LRCH1: variants seen among roughly 807,000 people sequenced by gnomAD.
The protein encoded by LRCH1 is leucine rich repeats and calponin homology domain containing 1.
In LRCH1, 23 loss-of-function variants were observed where a neutral mutation model predicts 94.9. The observed-to-expected ratio is 0.24, with a 90% CI of 0.17 to 0.34. LRCH1 has a LOEUF of 0.34. Ranked by LOEUF, LRCH1 falls within the 10% of genes least tolerant of loss-of-function variation. The pLI, the probability that LRCH1 is intolerant of heterozygous loss-of-function variation, is 1.00. For synonymous variants in LRCH1, 364 were observed against 354.9 expected (o/e 1.03, Z -0.29); for missense variants, 790 against 945.9 (o/e 0.84, Z 2.16).
chr13:46,696,879 G>C (rs1871222670), intron 9 of LRCH1, among the ~76,000 whole-genome samples: 1 of 151,964 alleles, frequency 6.6e-6, no homozygotes. Context: ...GATCAGCCTG[G>C]GCAACATACT....
chr13:46,613,449 C>T, intron 1 of LRCH1, among the ~76,000 whole-genome samples: 1 of 152,104 alleles, frequency 6.6e-6, no homozygotes, highest in East Asian at 1.9e-4. Flanking sequence ...CCTTCCCCAT[C>T]AGCCATCAAC....
intron 2 of LRCH1, among the ~76,000 whole-genome samples, chr13:46,666,384 C>A (rs1475579404): frequency 1.3e-5 from 2 of 152,208 alleles, no homozygotes; most frequent in Non-Finnish European, 2.9e-5. Context: ...GCAGAACTTT[C>A]TTTGTGTTTC....
intron 10 of LRCH1, among the ~76,000 whole-genome samples, 164 bp downstream of exon 10, chr13:46,699,567 C>T (rs1054815607): frequency 9.9e-5 from 15 of 152,144 alleles, no homozygotes; most frequent in African/African-American, 3.6e-4. Context: ...CTGTCTGATG[C>T]TTTTTGTCGT....
rs200140032 is a variant in LRCH1 at position 46,689,220 on chromosome 13, T to C, written c.1014+24T>C. The C allele has an allele frequency of 5.2e-4, 825 of 1,596,088 alleles. 7 individuals are homozygous for C. In the African/African-American group the frequency reaches 0.01, roughly 20 times the overall value. ...AGGTAAAGTTAGTGATCAGATTCTT[T>C]TCCTTCTGTACTTCTAGACATATCT... On this transcript the variant is annotated intron_variant, in intron 7 of 19. Transcript: ENST00000389797.
At chr13:46,652,507 A>G (rs1293293010) in intron 2 of LRCH1, among the ~76,000 whole-genome samples, 2 of 151,632 alleles carry the variant, frequency 1.3e-5, no homozygotes, top group Admixed American at 6.6e-5. Flanking sequence ...AGGCTCATAT[A>G]TCTAATCTTC....
At chr13:46,623,851 TC>T in intron 1 of LRCH1, among the ~76,000 whole-genome samples, 1 of 108,968 alleles carries the variant, frequency 9.2e-6, no homozygotes, top group African/African-American at 3.5e-5. Context: ...CCTAATGCTA[TC>T]CCTCCCCCCT....
intron 2 of LRCH1, among the ~76,000 whole-genome samples, chr13:46,657,708 TGG>T (rs1454461050): frequency 7.7e-4 from 105 of 136,800 alleles, no homozygotes; most frequent in Non-Finnish European, 1.0e-3. Flanking sequence ...TTTTTTTTTT[TGG>T]TAGAGATGGA....
intron 7 of LRCH1, among the ~76,000 whole-genome samples, chr13:46,692,297 A>G (rs1870938748): frequency 1.3e-5 from 2 of 152,224 alleles, no homozygotes; most frequent in African/African-American, 2.4e-5. Flanking sequence ...ACAGAACTTT[A>G]CCAGCACCCC....
intron 13 of LRCH1, among the ~76,000 whole-genome samples, chr13:46,711,043 G>A (rs1464939190): frequency 2.0e-5 from 3 of 152,114 alleles, no homozygotes; most frequent in Admixed American, 1.3e-4. Flanking sequence ...TTCGAAACCT[G>A]TAGCTCATGC....
At chr13:46,656,010 A>G (rs756504370) in intron 2 of LRCH1, among the ~76,000 whole-genome samples, 6 of 152,210 alleles carry the variant, frequency 3.9e-5, no homozygotes, top group Admixed American at 1.3e-4. Context: ...TTATCACACC[A>G]TAAAAGGAAT....
chr13:46,701,937 T>C (rs1460010224), intron 11 of LRCH1, among the ~76,000 whole-genome samples: 1 of 152,186 alleles, frequency 6.6e-6, no homozygotes, highest in Admixed American at 6.5e-5. Flanking sequence ...TTCTGCAAAT[T>C]TATGAAAAGC....
intron 6 of LRCH1, 103 bp from the exon 7 acceptor site, chr13:46,689,030 C>A: frequency 2.2e-6 from 2 of 904,224 alleles, no homozygotes; most frequent in Non-Finnish European, 3.5e-6. Flanking sequence ...TAAAAATTTG[C>A]GTAGCAAAAT....
intron 8 of LRCH1, among the ~76,000 whole-genome samples, chr13:46,694,483 A>AT (rs1241697088): frequency 9.9e-5 from 15 of 152,150 alleles, no homozygotes; most frequent in African/African-American, 3.6e-4. Context: ...GATTTGGCTG[A>AT]TTTTTTAATC....
chr13:46,645,745 G>A (rs9595505), intron 1 of LRCH1, among the ~76,000 whole-genome samples: 3,277 of 152,118 alleles, frequency 0.022, 132 homozygotes, highest in African/African-American at 0.075. Context: ...CCTTTAAAAG[G>A]TTCGTAGCTA....
intron 3 of LRCH1, among the ~76,000 whole-genome samples, chr13:46,670,460 A>G (rs2051583242): frequency 6.6e-6 from 1 of 152,192 alleles, no homozygotes; most frequent in Non-Finnish European, 1.5e-5. Context: ...CAGGTAAAGC[A>G]CCTAGCAAGA....
chr13:46,731,825 TC>T (rs1347214400), intron 18 of LRCH1, among the ~76,000 whole-genome samples: 1 of 151,900 alleles, frequency 6.6e-6, no homozygotes, highest in Non-Finnish European at 1.5e-5. Context: ...CCCCCAAATC[TC>T]CTTGGTTCTT....
Position 46,689,180 on chromosome 13 carries a change from G to A in LRCH1, c.998G>A (p.Arg333Gln), listed in dbSNP as rs950194634. 6.2e-6 allele frequency: 10 copies of A among 1,610,750 alleles called. No homozygotes were observed. The highest frequency in any genetic ancestry group is 5.3e-5 in the African/African-American group (4 of 74,794). The change falls in exon 7 of 20, where the codon CGA becomes CAA. Residue 333 changes from arginine (R) to glutamine (Q), a missense_variant. Transcript: ENST00000389797. Reference protein sequence around the residue: ...SGVGSDNGDKRLSATEPSDED... With the variant: ...SGVGSDNGDKQLSATEPSDED... ...GTTGGAAGTGATAATGGAGATAAGC[G>A]ATTATCTGCCACCGAGGTAAAGTTA...
At chr13:46,706,734 G>A (rs971860352) in intron 13 of LRCH1, among the ~76,000 whole-genome samples, 4 of 145,042 alleles carry the variant, frequency 2.8e-5, no homozygotes, top group African/African-American at 1.0e-4. Context: ...TTTTAAACAT[G>A]AAAATAATTT....
At chr13:46,559,174 A>G (rs2050103018) in intron 1 of LRCH1, among the ~76,000 whole-genome samples, 1 of 152,242 alleles carries the variant, frequency 6.6e-6, no homozygotes, top group African/African-American at 2.4e-5. Flanking sequence ...AATTTTTGCC[A>G]TCAATATGTT....
Sources: allele counts gnomAD v4.1 joint callset (sites outside exome capture counted in the v4.1 genomes callset), GRCh38; gene constraint gnomAD v4.1.1; transcripts MANE v1.5; gene names NCBI Gene and HGNC (gene_info 2026-07-23, HGNC 2026-07-21).